FAM151B: variants seen among roughly 807,000 people sequenced by gnomAD.
FAM151B encodes the protein protein FAM151B.
Under a neutral mutation model 31.2 loss-of-function variants are expected in FAM151B, and 24 were observed. The ratio of observed to expected loss-of-function variants is 0.77; its 90% CI spans 0.56 to 1.08. The LOEUF (loss-of-function observed/expected upper bound fraction) is 1.08, where lower values mean the gene tolerates loss of function less well. Among genes scored for constraint, FAM151B ranks in the 50% least tolerant of loss-of-function variants. FAM151B has a pLI of 0.00. For missense variants in FAM151B, 293 were observed against 328.6 expected (o/e 0.89, Z 0.84); for synonymous variants, 105 against 111.4 (o/e 0.94, Z 0.36).
At chr5:80,491,432 A>G (rs992029605) in intron 1 of FAM151B, among the ~76,000 whole-genome samples, 1 of 152,146 alleles carries the variant, frequency 6.6e-6, no homozygotes, top group Admixed American at 6.6e-5. Flanking sequence ...TTCATTGCCC[A>G]GGCTGGTCTC....
Position 80,521,018 on chromosome 5 carries a change from T to A in FAM151B, c.536-985T>A, listed in dbSNP as rs1367910308. 7.3e-5 allele frequency among the ~76,000 whole-genome samples: 11 copies of A among 151,386 alleles called. No individual in the cohort carries two copies. In the East Asian group the frequency reaches 1.9e-3, roughly 27 times the overall value. On this transcript the variant is annotated intron_variant, in intron 4 of 5. Transcript: ENST00000282226. ...TTTTAGTAGAGATGGGGTTTCACCA[T>A]GTTGGCCAGGCTGGTCTCAAACTCC...
chr5:80,507,109 A>T (rs1380132832), intron 2 of FAM151B, among the ~76,000 whole-genome samples: 2 of 124,444 alleles, frequency 1.6e-5, no homozygotes, highest in Non-Finnish European at 1.7e-5. Flanking sequence ...ACAGGGTGAG[A>T]CTCCATCTCA....
At chr5:80,499,329 TA>T (rs1477681882) in intron 1 of FAM151B, among the ~76,000 whole-genome samples, 2 of 152,268 alleles carry the variant, frequency 1.3e-5, no homozygotes, top group East Asian at 3.9e-4. Context: ...TACCAAAAAG[TA>T]GTTGAAAGAT....
intron 5 of FAM151B, among the ~76,000 whole-genome samples, chr5:80,538,053 C>T (rs1561382955): frequency 1.4e-5 from 2 of 143,858 alleles, no homozygotes; most frequent in South Asian, 4.4e-4. Flanking sequence ...TTCCTTTTTA[C>T]TTTTATTTTT....
At chr5:80,504,355 G>A (rs1019091042) in intron 2 of FAM151B, among the ~76,000 whole-genome samples, 1 of 151,708 alleles carries the variant, frequency 6.6e-6, no homozygotes, top group African/African-American at 2.4e-5. Context: ...GAAGCCACCA[G>A]GATTTCTTGC....
intron 1 of FAM151B, among the ~76,000 whole-genome samples, chr5:80,490,365 G>A (rs890153383): frequency 6.6e-6 from 1 of 152,178 alleles, no homozygotes; most frequent in African/African-American, 2.4e-5. Flanking sequence ...GGGCAACAGA[G>A]CCAGAGCCTT....
At chr5:80,528,844 C>A (rs1561377265) in intron 5 of FAM151B, among the ~76,000 whole-genome samples, 5 of 152,248 alleles carry the variant, frequency 3.3e-5, no homozygotes, top group Admixed American at 2.6e-4. Context: ...AGAAAGTTAA[C>A]AAGGATATCC....
chr5:80,503,583 G>A (rs1743831421), intron 2 of FAM151B, among the ~76,000 whole-genome samples: 1 of 151,648 alleles, frequency 6.6e-6, no homozygotes, highest in Non-Finnish European at 1.5e-5. Flanking sequence ...AAAAAAGAAA[G>A]AAAGCAAAGA....
intron 1 of FAM151B, among the ~76,000 whole-genome samples, chr5:80,489,740 C>A (rs1743242030): frequency 6.6e-6 from 1 of 152,130 alleles, no homozygotes; most frequent in Admixed American, 6.6e-5. Context: ...CTGGCTAACA[C>A]AGTGAAACCT....
chr5:80,535,420 G>C (rs1745447340), intron 5 of FAM151B, among the ~76,000 whole-genome samples: 2 of 152,148 alleles, frequency 1.3e-5, no homozygotes, highest in African/African-American at 4.8e-5. Context: ...CAATGGGACA[G>C]AATTGAGAAC....
chr5:80,530,455 T>G (rs1420311310), intron 5 of FAM151B, among the ~76,000 whole-genome samples: 8 of 152,204 alleles, frequency 5.3e-5, no homozygotes, highest in Non-Finnish European at 1.0e-4. Flanking sequence ...TGTCCCTGTT[T>G]GCAGATGACA....
At chr5:80,502,155 C>T (rs1338468033) in intron 2 of FAM151B, among the ~76,000 whole-genome samples, 1 of 152,086 alleles carries the variant, frequency 6.6e-6, no homozygotes, top group African/African-American at 2.4e-5. Context: ...CAGCTCATTG[C>T]AGGCTCAAAC....
At chr5:80,496,646 C>T (rs1743546895) in intron 1 of FAM151B, among the ~76,000 whole-genome samples, 1 of 151,992 alleles carries the variant, frequency 6.6e-6, no homozygotes, top group South Asian at 2.1e-4. Flanking sequence ...TCAGTATTGG[C>T]TCATCTATTC....
At chr5:80,509,087 C>T (rs1365920560) in intron 2 of FAM151B, among the ~76,000 whole-genome samples, 1 of 152,164 alleles carries the variant, frequency 6.6e-6, no homozygotes, top group Non-Finnish European at 1.5e-5. Flanking sequence ...GATTCTCCCT[C>T]CTCAGCCTTC....
intron 1 of FAM151B, among the ~76,000 whole-genome samples, chr5:80,494,287 TAAGGGAA>T (rs1160997201): frequency 1.3e-5 from 2 of 152,146 alleles, no homozygotes; most frequent in Non-Finnish European, 2.9e-5. Flanking sequence ...TCATGAGGTT[TAAGGGAA>T]AAGGCTGTTT....
chr5:80,511,435 CAAAAAAAAAAAA>C (rs57587683), intron 2 of FAM151B, among the ~76,000 whole-genome samples: 4 of 54,086 alleles, frequency 7.4e-5, no homozygotes, highest in East Asian at 5.8e-4. Flanking sequence ...GACTCTGTCT[CAAAAAAAAAAAA>C]AAAAAAAAAA....
At chr5:80,513,897 A>C (rs1744299814) in intron 3 of FAM151B, 128 bp downstream of exon 3, 1 of 938,856 alleles carries the variant, frequency 1.1e-6, no homozygotes, top group Non-Finnish European at 1.5e-6. Context: ...GACTGAACCT[A>C]AATGAACCTA....
At chr5:80,491,263 T>A (rs1478774953) in intron 1 of FAM151B, among the ~76,000 whole-genome samples, 1 of 152,022 alleles carries the variant, frequency 6.6e-6, no homozygotes, top group Non-Finnish European at 1.5e-5. Flanking sequence ...TCACCCAGGC[T>A]GGAGTGCAGT....
At chr5:80,504,005 G>A (rs879885335) in intron 2 of FAM151B, among the ~76,000 whole-genome samples, 1 of 152,104 alleles carries the variant, frequency 6.6e-6, no homozygotes, top group South Asian at 2.1e-4. Flanking sequence ...TGTATCTTCT[G>A]TGTCTCCAGG....
Sources: gnomAD v4.1 joint callset for allele counts (sites outside exome capture counted in the v4.1 genomes callset) on GRCh38, gnomAD v4.1.1 for gene constraint, MANE v1.5 for transcripts, NCBI Gene and HGNC (gene_info 2026-07-23, HGNC 2026-07-21) for gene names.